Variants in NOX4 observed in about 807,000 individuals in gnomAD.
NOX4 encodes the protein kidney oxidase-1.
NOX4 carries 69 observed loss-of-function variants against 87.6 expected under a neutral mutation model. The ratio of observed to expected loss-of-function variants is 0.79; its 90% CI spans 0.65 to 0.96. The LOEUF (loss-of-function observed/expected upper bound fraction) is 0.96. Among genes scored for constraint, NOX4 ranks in the 40% least tolerant of loss-of-function variants. The pLI is 0.00. For missense variants in NOX4, 680 were observed against 681.5 expected (o/e 1.00, Z 0.02); for synonymous variants, 275 against 238.2 (o/e 1.15, Z -1.42).
the NOX4 span, among the ~76,000 whole-genome samples, chr11:89,529,720 C>T: frequency 6.6e-6 from 1 of 152,164 alleles, no homozygotes; most frequent in Non-Finnish European, 1.5e-5. Context: ...TACACAAATT[C>T]TTAAGTTCTG....
At chr11:89,357,325 A>T (rs1447405375) in intron 12 of NOX4, among the ~76,000 whole-genome samples, 1 of 152,260 alleles carries the variant, frequency 6.6e-6, no homozygotes, top group South Asian at 2.1e-4. Flanking sequence ...ATCCAAAAAA[A>T]TACTCTGTGT....
At chr11:89,502,376 G>A (rs1267131522), upstream of NOX4, among the ~76,000 whole-genome samples, 1 of 152,014 alleles carries the variant, frequency 6.6e-6, no homozygotes, top group Non-Finnish European at 1.5e-5. Context: ...AGTCTTATCG[G>A]TTAAAGAGAA....
chr11:89,408,345 A>C (rs1489139142), intron 8 of NOX4, among the ~76,000 whole-genome samples: 1 of 152,202 alleles, frequency 6.6e-6, no homozygotes, highest in Non-Finnish European at 1.5e-5. Flanking sequence ...ATTCGACCTC[A>C]TTTTCAACCT....
At chr11:89,365,700 A>G (rs1938910309) in intron 12 of NOX4, among the ~76,000 whole-genome samples, 1 of 134,900 alleles carries the variant, frequency 7.4e-6, no homozygotes, top group Admixed American at 8.2e-5. Context: ...TATATCTTAG[A>G]TGTGTATTCA....
upstream of NOX4, chr11:89,492,127 T>C (rs2135503480): frequency 6.6e-6 from 1 of 152,342 alleles, no homozygotes; most frequent in South Asian, 2.1e-4. Flanking sequence ...ATACCTAGTC[T>C]GTTTGTAAGT....
intron 7 of NOX4, among the ~76,000 whole-genome samples, chr11:89,428,055 G>C (rs915496757): frequency 6.6e-6 from 1 of 152,128 alleles, no homozygotes; most frequent in Admixed American, 6.5e-5. Flanking sequence ...AGAGAGTGAG[G>C]GCCAACATTC....
rs1397776611 is a variant in NOX4, at chr11:89,395,626, T to G, written c.1074+4391A>C. ...TGCCTAGGTTTTCTTCTAGGGATTT[T>G]ATGGTTTTAGGTCTAACATTTAAGT... is the stretch of plus-strand genomic sequence containing the variant. On this transcript the variant is annotated intron_variant, in intron 11 of 17. Transcript: ENST00000263317. 6.6e-5 allele frequency among the ~76,000 whole-genome samples: 10 copies of G among 152,336 alleles called. No homozygotes were observed. The South Asian group carries it at 1.0e-3, about 16-fold the overall frequency.
At chr11:89,411,785 A>C (rs957810668) in intron 8 of NOX4, among the ~76,000 whole-genome samples, 10 of 152,196 alleles carry the variant, frequency 6.6e-5, no homozygotes. Context: ...ATCAGAAAGC[A>C]AATAAGAAAA....
At chr11:89,575,570 G>A in the NOX4 span, among the ~76,000 whole-genome samples, 16 of 152,194 alleles carry the variant, frequency 1.1e-4, no homozygotes, top group South Asian at 2.5e-3. Context: ...GGCAAGTATG[G>A]CATTGTTTTC....
chr11:89,451,230 C>T (rs941960833), intron 3 of NOX4, among the ~76,000 whole-genome samples: 7 of 152,042 alleles, frequency 4.6e-5, no homozygotes, highest in African/African-American at 1.7e-4. Flanking sequence ...AGACATGTTT[C>T]TCAAGCCTAT....
intron 12 of NOX4, among the ~76,000 whole-genome samples, chr11:89,364,998 G>A (rs1827429): frequency 4.6e-5 from 7 of 152,014 alleles, no homozygotes; most frequent in African/African-American, 9.7e-5. Flanking sequence ...TTCCACTGCC[G>A]TCATACTGCC....
At chr11:89,560,488 T>C in the NOX4 span, among the ~76,000 whole-genome samples, 12 of 152,076 alleles carry the variant, frequency 7.9e-5, no homozygotes, top group Non-Finnish European at 1.8e-4. Flanking sequence ...CTTGACTGGA[T>C]TAAGGAGTAC....
chr11:89,388,306 G>T (rs983817200), intron 11 of NOX4, among the ~76,000 whole-genome samples: 1 of 152,020 alleles, frequency 6.6e-6, no homozygotes, highest in African/African-American at 2.4e-5. Flanking sequence ...TTCTGAAAAG[G>T]TTGCCTGGGA....
intron 11 of NOX4, among the ~76,000 whole-genome samples, chr11:89,399,627 CTT>C (rs1226277531): frequency 1.4e-5 from 2 of 141,054 alleles, no homozygotes; most frequent in Non-Finnish European, 3.1e-5. Context: ...CCACATCTGG[CTT>C]TTTTTTTTTA....
At chr11:89,405,931 C>T (rs189916256) in intron 8 of NOX4, among the ~76,000 whole-genome samples, 1 of 151,980 alleles carries the variant, frequency 6.6e-6, no homozygotes, top group Non-Finnish European at 1.5e-5. Context: ...AATATCCACA[C>T]TACTTTATGG....
intron 16 of NOX4, 109 bp downstream of exon 16, chr11:89,337,338 T>C (rs1590953919): frequency 5.3e-6 from 8 of 1,521,640 alleles, no homozygotes; most frequent in African/African-American, 4.1e-5. Flanking sequence ...GGCTTTCCTC[T>C]AGGAAACTTC....
chr11:89,362,220 A>C (rs1046244071), intron 12 of NOX4, among the ~76,000 whole-genome samples: 1 of 151,654 alleles, frequency 6.6e-6, no homozygotes, highest in African/African-American at 2.4e-5. Context: ...ATCCAACCTG[A>C]AACACAGGTG....
At chr11:89,402,154 CA>C (rs2135186396) in intron 9 of NOX4, among the ~76,000 whole-genome samples, 171 bp downstream of exon 9, 1 of 152,176 alleles carries the variant, frequency 6.6e-6, no homozygotes, top group South Asian at 2.1e-4. Flanking sequence ...AGACCTTTTG[CA>C]TTGAACTCTC....
intron 12 of NOX4, among the ~76,000 whole-genome samples, chr11:89,368,682 G>T (rs1939203824): frequency 6.6e-6 from 1 of 152,010 alleles, no homozygotes; most frequent in South Asian, 2.1e-4. Flanking sequence ...TATCATATTG[G>T]TGATTAAATT....
Sources: gnomAD v4.1 joint callset for allele counts (sites outside exome capture counted in the v4.1 genomes callset) on GRCh38, gnomAD v4.1.1 for gene constraint, MANE v1.5 for transcripts, NCBI Gene and HGNC (gene_info 2026-07-23, HGNC 2026-07-21) for gene names.